The following NPAT variants were observed in gnomAD, a reference collection of about 807,000 sequenced individuals.
NPAT encodes the protein protein NPAT.
Under a neutral mutation model 130.7 loss-of-function variants are expected in NPAT, and 52 were observed. The observed-to-expected ratio is 0.40, with a 90% CI of 0.32 to 0.50. The LOEUF (loss-of-function observed/expected upper bound fraction) is 0.50, where lower values mean the gene tolerates loss of function less well. NPAT is among the 20% of genes least tolerant of loss of function. NPAT has a pLI of 0.68. For synonymous variants in NPAT, 580 were observed against 584.8 expected, an observed-to-expected ratio of 0.99 and a Z score of 0.12; for missense variants, 1,687 against 1,662.6, an observed-to-expected ratio of 1.01 and a Z score of -0.26.
chr11:108,216,805 A>G (rs1481863441), intron 1 of NPAT, among the ~76,000 whole-genome samples: 1 of 152,168 alleles, frequency 6.6e-6, no homozygotes, highest in Non-Finnish European at 1.5e-5. Context: ...AGGATACATT[A>G]TCTTCTGCTC....
At position 108,189,087 on chromosome 11, in the gene NPAT, G is replaced by C. The variant is rs1456896116; in HGVS notation, c.556+19C>G. Reference sequence around the variant, plus strand: ...ATTTGATTAACAACAAAATTTAAGAGAACAAAATGTAAACTTACTGGTTAC... The same window carrying C: ...ATTTGATTAACAACAAAATTTAAGACAACAAAATGTAAACTTACTGGTTAC... On this transcript the variant is annotated intron_variant, in intron 6 of 17. Coordinates refer to ENST00000278612, the MANE Select transcript of NPAT (RefSeq NM_002519.3). The C allele has an allele frequency of 1.9e-6, 3 of 1,586,820 alleles. No individual in the cohort carries two copies. The Admixed American group carries it at 5.0e-5, about 26-fold the overall frequency.
At chr11:108,162,297 C>A in intron 15 of NPAT, 117 bp from the exon 16 acceptor site, 1 of 848,414 alleles carries the variant, frequency 1.2e-6, no homozygotes, top group South Asian at 1.6e-5. Context: ...CTAATGTACA[C>A]ACAAATAGAA....
chr11:108,173,993 C>T, intron 12 of NPAT, 142 bp from the exon 13 acceptor site: 1 of 751,496 alleles, frequency 1.3e-6, no homozygotes, highest in Non-Finnish European at 2.3e-6. Flanking sequence ...GCTGTGTTTC[C>T]CATTTACTGA....
At chr11:108,196,156 A>G (rs2078217858) in intron 2 of NPAT, among the ~76,000 whole-genome samples, 1 of 152,172 alleles carries the variant, frequency 6.6e-6, no homozygotes, top group Admixed American at 6.5e-5. Context: ...GGTATGAGGT[A>G]TTTGTAGAGG....
At chr11:108,209,122 T>C (rs1289149339) in intron 1 of NPAT, among the ~76,000 whole-genome samples, 3 of 151,618 alleles carry the variant, frequency 2.0e-5, no homozygotes, top group Admixed American at 6.6e-5. Flanking sequence ...CTACTAACAA[T>C]ATAAAAAATT....
Position 108,162,161 on chromosome 11 carries a change from C to G in NPAT, c.3030G>C (p.Leu1010Phe). 6.2e-7 allele frequency: 1 copy of G among 1,613,650 alleles called. No homozygotes were observed. The highest frequency in any genetic ancestry group is 8.5e-7 in the Non-Finnish European group (1 of 1,179,682). Residue 1010 changes from leucine to phenylalanine, a missense_variant, in exon 16 of 18, where the codon TTG (leucine) becomes TTC (phenylalanine). Physicochemically the swap from Leu to Phe is conservative, Grantham distance 22. Coordinates refer to ENST00000278612, the MANE Select transcript of NPAT (RefSeq NM_002519.3). Reference sequence around the variant, plus strand: ...CAACTGAATGACCTGACGAATCCACCAAATTATTTACTTGTTTTCCTGAAA... The same window carrying G: ...CAACTGAATGACCTGACGAATCCACGAAATTATTTACTTGTTTTCCTGAAA... Reference protein sequence around the residue: ...KPCIGKQVNNLVDSSGHSVGC... With the variant: ...KPCIGKQVNNFVDSSGHSVGC...
In NPAT at chr11:108,161,677, G is replaced by C. The variant is rs568463788; in HGVS notation, c.3409C>G (p.Arg1137Gly). 1 of 1,613,898 alleles carries C rather than the reference G, an allele frequency of 6.2e-7. No homozygotes were observed. The change falls in exon 17 of 18, where the codon CGG becomes GGG. Residue 1137 changes from arginine (R) to glycine (G), a missense_variant. This residue lies in a region of NPAT where 1,379 missense variants were observed against 1,346.6 expected (regional missense o/e 1.02). Transcript: ENST00000278612. ...TGAGTTTCTCTTATGGTGGTATGCC[G>C]GCTAATGGCACTTTCCGATTTAGAT... ...ILSKSESAISRHTTIRETQSE... is the reference protein window; with the variant it reads ...ILSKSESAISGHTTIRETQSE...
intron 12 of NPAT, among the ~76,000 whole-genome samples, chr11:108,175,408 G>C (rs1353332921): frequency 6.6e-6 from 1 of 152,176 alleles, no homozygotes; most frequent in Non-Finnish European, 1.5e-5. Flanking sequence ...TGAGTACAGA[G>C]CACATCTGAA....
At chr11:108,176,569 C>T (rs1260011952) in intron 11 of NPAT, among the ~76,000 whole-genome samples, 195 bp from the exon 12 acceptor site, 1 of 152,072 alleles carries the variant, frequency 6.6e-6, no homozygotes, top group African/African-American at 2.4e-5. Context: ...AAACTTTAGC[C>T]CAGTAATTTG....
At chr11:108,180,311 A>G (rs2078047546) in intron 10 of NPAT, among the ~76,000 whole-genome samples, 1 of 152,238 alleles carries the variant, frequency 6.6e-6, no homozygotes, top group Non-Finnish European at 1.5e-5. Context: ...CTGGGCATGC[A>G]GCGAGACCCT....
At chr11:108,181,247 C>T (rs1416461746) in intron 10 of NPAT, among the ~76,000 whole-genome samples, 5 of 152,010 alleles carry the variant, frequency 3.3e-5, no homozygotes, top group African/African-American at 9.7e-5. Flanking sequence ...GCAGATCACC[C>T]GAGGTCAGGA....
chr11:108,190,871 A>C (rs2078162816), intron 4 of NPAT, among the ~76,000 whole-genome samples: 1 of 152,198 alleles, frequency 6.6e-6, no homozygotes. Context: ...CCGAGAGTTC[A>C]TGAACAGCCT....
chr11:108,190,356 T>G (rs1305687948), intron 5 of NPAT, 104 bp downstream of exon 5: 2 of 802,154 alleles, frequency 2.5e-6, no homozygotes, highest in Non-Finnish European at 4.0e-6. Context: ...AACAGTAGTT[T>G]AAGGAAAATA....
chr11:108,176,427 A>G (rs547675434), intron 11 of NPAT, 53 bp from the exon 12 acceptor site: 1 of 1,252,324 alleles, frequency 8.0e-7, no homozygotes, highest in Non-Finnish European at 1.2e-6. Context: ...AAAAATAAAC[A>G]TCAATGAATA....
intron 15 of NPAT, 94 bp from the exon 16 acceptor site, chr11:108,162,274 T>A: frequency 8.9e-7 from 1 of 1,125,348 alleles, no homozygotes; most frequent in Non-Finnish European, 1.3e-6. Context: ...TGAGAAAAAA[T>A]TTTAAATGGT....
At chr11:108,218,173 C>T (rs228608) in intron 1 of NPAT, among the ~76,000 whole-genome samples, 83,200 of 151,878 alleles carry the variant, frequency 0.55, 23,222 homozygotes, top group Middle Eastern at 0.74. Context: ...CAAAGGTCCC[C>T]GAATAGGTAA....
chr11:108,165,579 C>A (rs1480854262), intron 15 of NPAT, among the ~76,000 whole-genome samples: 2 of 150,904 alleles, frequency 1.3e-5, no homozygotes, highest in Admixed American at 1.3e-4. Flanking sequence ...ATCCTCCCAC[C>A]TCAGCATCTC....
At chr11:108,186,416 G>A in intron 8 of NPAT, 66 bp downstream of exon 8, 1 of 1,144,014 alleles carries the variant, frequency 8.7e-7, no homozygotes, top group South Asian at 1.2e-5. Flanking sequence ...ACATACATTT[G>A]TGTATATATC....
intron 2 of NPAT, 110 bp from the exon 3 acceptor site, chr11:108,194,127 C>T (rs541976380): frequency 1.2e-3 from 789 of 660,738 alleles, no homozygotes; most frequent in Non-Finnish European, 1.8e-3. Flanking sequence ...TGCAGAGTAG[C>T]GATGAGGAAA....
Sources: gnomAD v4.1 joint callset for allele counts (sites outside exome capture counted in the v4.1 genomes callset) on GRCh38, gnomAD v4.1.1 for gene constraint, gnomAD v4.1.1 regional missense constraint, MANE v1.5 for transcripts, NCBI Gene and HGNC (gene_info 2026-07-23, HGNC 2026-07-21) for gene names.